The following ESR1 variants were observed in gnomAD, a reference collection of about 807,000 sequenced individuals.
ESR1 encodes the protein estrogen receptor.
A neutral mutation model predicts 52.7 loss-of-function variants in ESR1; 12 were observed. That is an observed-to-expected ratio of 0.23 (90% CI 0.15 to 0.37). The LOEUF (loss-of-function observed/expected upper bound fraction) is 0.37. Among genes scored for constraint, ESR1 ranks in the 10% least tolerant of loss-of-function variants. The pLI, the probability that ESR1 is intolerant of heterozygous loss-of-function variation, is 1.00. For synonymous variants in ESR1, 305 were observed against 316.8 expected (o/e 0.96, Z 0.39); for missense variants, 584 against 779.7 (o/e 0.75, Z 2.99).
intron 3 of ESR1, among the ~76,000 whole-genome samples, chr6:151,912,843 C>T (rs557175024): frequency 8.5e-5 from 13 of 152,236 alleles, no homozygotes; most frequent in East Asian, 1.9e-4. Context: ...ACCTCATGTT[C>T]GCACTCATAA....
At chr6:151,741,139 C>G (rs757293460) in intron 2 of ESR1, among the ~76,000 whole-genome samples, 1 of 152,102 alleles carries the variant, frequency 6.6e-6, no homozygotes, top group Non-Finnish European at 1.5e-5. Flanking sequence ...CATTTTCTAT[C>G]CTTTGTGCCC....
At chr6:151,947,711 T>C (rs981951384) in intron 4 of ESR1, among the ~76,000 whole-genome samples, 1 of 152,182 alleles carries the variant, frequency 6.6e-6, no homozygotes, top group African/African-American at 2.4e-5. Context: ...ATAGAATGCA[T>C]CATACAAGTG....
At chr6:151,800,619 C>T (rs1056615524), upstream of ESR1, among the ~76,000 whole-genome samples, 1 of 152,136 alleles carries the variant, frequency 6.6e-6, no homozygotes, top group African/African-American at 2.4e-5. Flanking sequence ...AGGACCCACC[C>T]CAACCCCACA....
chr6:151,860,305 C>T (rs1788636699), intron 2 of ESR1, among the ~76,000 whole-genome samples: 1 of 152,000 alleles, frequency 6.6e-6, no homozygotes, highest in Non-Finnish European at 1.5e-5. Context: ...TAGCAAATTT[C>T]CAGTGTATAA....
chr6:151,705,593 TG>T (rs1780128861), intron 2 of ESR1, among the ~76,000 whole-genome samples: 1 of 152,208 alleles, frequency 6.6e-6, no homozygotes, highest in Admixed American at 6.5e-5. Context: ...ATGAATAAGC[TG>T]CCATTATGTC....
At chr6:151,907,394 T>G (rs1157429396) in intron 3 of ESR1, among the ~76,000 whole-genome samples, 1 of 152,122 alleles carries the variant, frequency 6.6e-6, no homozygotes, top group Non-Finnish European at 1.5e-5. Context: ...AGTTTTTCAA[T>G]TTTCTCCAAA....
intron 1 of ESR1, among the ~76,000 whole-genome samples, chr6:151,840,952 C>T (rs1172082615): frequency 6.6e-6 from 1 of 152,102 alleles, no homozygotes; most frequent in Non-Finnish European, 1.5e-5. Flanking sequence ...TTGCACATGC[C>T]TGCCAAGTCC....
chr6:151,740,404 G>A (rs1783009124), intron 2 of ESR1, among the ~76,000 whole-genome samples: 1 of 149,392 alleles, frequency 6.7e-6, no homozygotes, highest in South Asian at 2.1e-4. Flanking sequence ...CCAAAGTGCT[G>A]GGATTACAGG....
chr6:152,125,462 T>G (rs2053069942), exon 7 of ESR1: 1 of 1,340,714 alleles, frequency 7.5e-7, no homozygotes, highest in Admixed American at 2.7e-5. Context: ...AATTAGTCTC[T>G]CTGGCCTTCA....
intron 4 of ESR1, among the ~76,000 whole-genome samples, chr6:152,006,482 A>C (rs1562660310): frequency 6.6e-6 from 1 of 152,024 alleles, no homozygotes. Context: ...TTGGAGAATA[A>C]ATCGCAAAAT....
At chr6:151,813,163 A>G (rs185149152) in intron 1 of ESR1, 2 of 152,282 alleles carry the variant, frequency 1.3e-5, no homozygotes, top group African/African-American at 4.8e-5. Context: ...GACTCTGAAG[A>G]AAGTTTTGCA....
At chr6:151,710,800 G>A (rs753271589) in intron 2 of ESR1, among the ~76,000 whole-genome samples, 4 of 151,870 alleles carry the variant, frequency 2.6e-5, no homozygotes, top group Admixed American at 6.6e-5. Context: ...TGAGTGTGGC[G>A]TTTGGTTTGA....
At chr6:151,668,778 T>C (rs1033051989) in intron 1 of ESR1, among the ~76,000 whole-genome samples, 2 of 152,102 alleles carry the variant, frequency 1.3e-5, no homozygotes, top group Admixed American at 6.5e-5. Context: ...GTCCTCTCCA[T>C]TTGGTTTTCC....
intron 2 of ESR1, among the ~76,000 whole-genome samples, chr6:151,851,564 G>A (rs1562476901): frequency 7.0e-6 from 1 of 141,920 alleles, no homozygotes; most frequent in African/African-American, 2.6e-5. Flanking sequence ...GTCTCACTCT[G>A]TCACTGAGGC....
At chr6:151,686,644 C>A (rs62441984), upstream of ESR1, among the ~76,000 whole-genome samples, 5 of 152,150 alleles carry the variant, frequency 3.3e-5, no homozygotes, top group South Asian at 1.0e-3. Context: ...GCCGAGATGG[C>A]GCCACTGCAC....
intron 2 of ESR1, among the ~76,000 whole-genome samples, chr6:151,741,594 G>A (rs1783101312): frequency 1.3e-5 from 2 of 152,112 alleles, no homozygotes; most frequent in South Asian, 4.2e-4. Context: ...GCTTTATTGA[G>A]GTATAACTTA....
intron 1 of ESR1, among the ~76,000 whole-genome samples, chr6:151,838,910 C>T (rs1033662692): frequency 6.6e-6 from 1 of 152,084 alleles, no homozygotes; most frequent in Admixed American, 6.5e-5. Context: ...CAGCATACAT[C>T]TTTGCTATTT....
At chr6:151,687,968 AATTACACTGT>A (rs1220605540), upstream of ESR1, among the ~76,000 whole-genome samples, 9 of 152,172 alleles carry the variant, frequency 5.9e-5, no homozygotes, top group Admixed American at 1.3e-4. Context: ...CCTGTGTTTC[AATTACACTGT>A]ATTATACTGC....
chr6:151,839,315 T>A (rs1783897602), intron 1 of ESR1, among the ~76,000 whole-genome samples: 1 of 152,184 alleles, frequency 6.6e-6, no homozygotes, highest in Admixed American at 6.5e-5. Flanking sequence ...CTCATTAGGA[T>A]GGCTACTATA....
Sources: gnomAD v4.1 joint callset for allele counts (sites outside exome capture counted in the v4.1 genomes callset) on GRCh38, gnomAD v4.1.1 for gene constraint, MANE v1.5 for transcripts, NCBI Gene and HGNC (gene_info 2026-07-23, HGNC 2026-07-21) for gene names.